Variants in EXT1 observed in about 807,000 individuals in gnomAD.
EXT1 encodes the protein exostosin-1.
In EXT1, 20 loss-of-function variants were observed where a neutral mutation model predicts 82.5. That is an observed-to-expected ratio of 0.24 (90% CI 0.17 to 0.35). The LOEUF is 0.35. Among genes scored for constraint, EXT1 ranks in the 10% least tolerant of loss-of-function variants. The pLI, the probability that EXT1 is intolerant of heterozygous loss-of-function variation, is 1.00. For missense variants in EXT1, 757 were observed against 936.5 expected (o/e 0.81, Z 2.50); for synonymous variants, 348 against 350.8 (o/e 0.99, Z 0.09).
intron 1 of EXT1, among the ~76,000 whole-genome samples, chr8:118,068,446 T>C (rs1261501480): frequency 6.6e-6 from 1 of 152,192 alleles, no homozygotes; most frequent in Admixed American, 6.5e-5. Flanking sequence ...AAGCCCAGCA[T>C]GCATTAGCTC....
chr8:117,974,601 G>A (rs1815028664), intron 1 of EXT1, among the ~76,000 whole-genome samples: 1 of 152,120 alleles, frequency 6.6e-6, no homozygotes, highest in Non-Finnish European at 1.5e-5. Context: ...CTAAGTAGCT[G>A]GGACCACAGC....
chr8:117,832,784 A>C (rs1321071373), intron 3 of EXT1, among the ~76,000 whole-genome samples: 1 of 152,222 alleles, frequency 6.6e-6, no homozygotes, highest in Admixed American at 6.5e-5. Context: ...AATTGATTGA[A>C]AAGACAGAGT....
chr8:117,880,954 A>AT (rs1375989819), intron 1 of EXT1, among the ~76,000 whole-genome samples: 1 of 151,954 alleles, frequency 6.6e-6, no homozygotes, highest in South Asian at 2.1e-4. Context: ...CCTTTTTAGG[A>AT]TTTTTTTACC....
intron 1 of EXT1, among the ~76,000 whole-genome samples, chr8:118,044,102 C>T (rs928456781): frequency 3.3e-5 from 5 of 152,190 alleles, no homozygotes; most frequent in Non-Finnish European, 7.3e-5. Flanking sequence ...ATCAGGGTTA[C>T]GTATAACGCC....
intron 1 of EXT1, among the ~76,000 whole-genome samples, chr8:117,837,607 A>T (rs1253322823): frequency 1.3e-5 from 2 of 152,172 alleles, no homozygotes; most frequent in Non-Finnish European, 1.5e-5. Context: ...CAAAACTAAG[A>T]CTGTTCTTGT....
At chr8:118,093,942 G>C (rs1669506348) in intron 1 of EXT1, among the ~76,000 whole-genome samples, 1 of 152,202 alleles carries the variant, frequency 6.6e-6, no homozygotes, top group Admixed American at 6.5e-5. Flanking sequence ...CCTTCAAATT[G>C]TTGAAAGTAG....
At chr8:117,934,059 A>C (rs892982626) in intron 1 of EXT1, among the ~76,000 whole-genome samples, 6 of 151,532 alleles carry the variant, frequency 4.0e-5, no homozygotes, top group Non-Finnish European at 2.9e-5. Context: ...CCACAGGAAC[A>C]CTCCTGTGCC....
intron 1 of EXT1, among the ~76,000 whole-genome samples, chr8:118,004,290 G>T (rs917397584): frequency 6.6e-6 from 1 of 152,232 alleles, no homozygotes; most frequent in Non-Finnish European, 1.5e-5. Flanking sequence ...GCATGTGCAC[G>T]TATGTGTGCA....
At chr8:117,822,946 T>C (rs1811950496) in intron 4 of EXT1, among the ~76,000 whole-genome samples, 2 of 152,102 alleles carry the variant, frequency 1.3e-5, no homozygotes, top group Admixed American at 6.5e-5. Context: ...AGAACTAAGA[T>C]AGGTTCCAGG....
At chr8:117,973,814 AGG>A (rs1814999101) in intron 1 of EXT1, among the ~76,000 whole-genome samples, 1 of 65,330 alleles carries the variant, frequency 1.5e-5, no homozygotes, top group Admixed American at 1.6e-4. Flanking sequence ...AGGAAAGGAA[AGG>A]AAAGGAAAGG....
At chr8:118,047,831 AG>A (rs1367988353) in intron 1 of EXT1, among the ~76,000 whole-genome samples, 1 of 152,146 alleles carries the variant, frequency 6.6e-6, no homozygotes, top group Non-Finnish European at 1.5e-5. Flanking sequence ...CTACAAGTAA[AG>A]TGGGAGGCAG....
chr8:117,807,683 T>C (rs1563873733), intron 8 of EXT1, among the ~76,000 whole-genome samples: 3 of 152,042 alleles, frequency 2.0e-5, no homozygotes, highest in African/African-American at 7.3e-5. Context: ...AAGCTTCTTT[T>C]CCCCCTTCCT....
intron 1 of EXT1, among the ~76,000 whole-genome samples, chr8:118,102,343 G>GAA (rs113578490): frequency 3.9e-5 from 5 of 127,712 alleles, no homozygotes; most frequent in South Asian, 2.4e-4. Context: ...CCATGGGTTA[G>GAA]AAAAAAAAAA....
At chr8:117,840,856 A>G (rs1461170313) in intron 1 of EXT1, among the ~76,000 whole-genome samples, 1 of 152,204 alleles carries the variant, frequency 6.6e-6, no homozygotes, top group Non-Finnish European at 1.5e-5. Flanking sequence ...CATAACTACA[A>G]TGAATGAGAT....
At chr8:118,041,721 A>AAGGAAGGAAG (rs1563637861) in intron 1 of EXT1, among the ~76,000 whole-genome samples, 23 of 111,848 alleles carry the variant, frequency 2.1e-4, no homozygotes, top group African/African-American at 7.4e-4. Flanking sequence ...AAGGAAGGAA[A>AAGGAAGGAAG]AAGAAAAGGG....
At chr8:117,802,262 C>T (rs1823177741) in intron 10 of EXT1, among the ~76,000 whole-genome samples, 1 of 152,074 alleles carries the variant, frequency 6.6e-6, no homozygotes, top group African/African-American at 2.4e-5. Flanking sequence ...CCTAAGAGGC[C>T]TTGTATGACT....
At chr8:117,996,438 C>T (rs765129602) in intron 1 of EXT1, among the ~76,000 whole-genome samples, 4 of 152,296 alleles carry the variant, frequency 2.6e-5, no homozygotes, top group South Asian at 2.1e-4. Context: ...TTGGTCAGTA[C>T]AGATATAGCA....
chr8:117,819,156 A>G (rs944282278), intron 6 of EXT1, among the ~76,000 whole-genome samples: 1 of 152,222 alleles, frequency 6.6e-6, no homozygotes, highest in Admixed American at 6.5e-5. Flanking sequence ...AATCAGAAAA[A>G]CCACCGTTCA....
intron 1 of EXT1, among the ~76,000 whole-genome samples, chr8:117,901,505 T>C (rs535760598): frequency 6.6e-6 from 1 of 152,290 alleles, no homozygotes; most frequent in East Asian, 1.9e-4. Flanking sequence ...TACACTGTTA[T>C]AGACTTTATA....
Sources: gnomAD v4.1 joint callset for allele counts (sites outside exome capture counted in the v4.1 genomes callset) on GRCh38, gnomAD v4.1.1 for gene constraint, MANE v1.5 for transcripts, NCBI Gene and HGNC (gene_info 2026-07-23, HGNC 2026-07-21) for gene names.